XCL1: variants seen among roughly 807,000 people sequenced by gnomAD.
XCL1 encodes the protein lymphotactin.
XCL1 carries 6 observed loss-of-function variants against 7.4 expected under a neutral mutation model. The observed-to-expected ratio is 0.82, with a 90% CI of 0.45 to 1.61. The LOEUF (loss-of-function observed/expected upper bound fraction) is 1.61. Ranked by LOEUF, XCL1 falls within the 40% of genes most tolerant of loss-of-function variation. The probability of loss-of-function intolerance (pLI) is 0.01; values close to 1 mark genes in which losing one functional copy is unlikely to be tolerated. For missense variants in XCL1, 122 were observed against 138.2 expected (o/e 0.88, Z 0.59); for synonymous variants, 48 against 52.4 (o/e 0.92, Z 0.36).
Position 168,581,259 on chromosome 1 carries a change from C to T in XCL1, c.*39C>T. Reference sequence around the variant, plus strand: ...CCTGTCCGTCTCCAGCCAGCCAGCTCATTTCACTTTACACGCTCATGGACT... The same window carrying T: ...CCTGTCCGTCTCCAGCCAGCCAGCTTATTTCACTTTACACGCTCATGGACT... On this transcript the variant is annotated 3_prime_UTR_variant, in exon 3 of 3. Transcript: ENST00000367818. The T allele has an allele frequency of 1.2e-6, 2 of 1,608,072 alleles. No homozygotes were observed. The highest frequency in any genetic ancestry group is 1.7e-6 in the Non-Finnish European group (2 of 1,175,794).
chr1:168,580,361 A>G (rs1655133300), intron 2 of XCL1, among the ~76,000 whole-genome samples, 184 bp downstream of exon 2: 1 of 152,230 alleles, frequency 6.6e-6, no homozygotes, highest in African/African-American at 2.4e-5. Flanking sequence ...AATAGCGATT[A>G]TTGCAGAAAT....
rs554183220 is a variant in XCL1, at chr1:168,581,845, G to T, written c.*625G>T. 51 of 152,026 alleles carry T rather than the reference G, an allele frequency of 3.4e-4. No homozygotes were observed. The highest frequency in any genetic ancestry group is 1.2e-3 in the African/African-American group (48 of 41,466). The allele number at this position is 152,026 out of a possible 1,614,324, so 9.4% of individuals were successfully genotyped here. ...TCCCATTAGCAAAAATTAGAATTTT[G>T]GTATAAAGAAACTTTATTCAAGTAA... On this transcript the variant is annotated 3_prime_UTR_variant, in exon 3 of 3. Coordinates refer to ENST00000367818, the MANE Select transcript of XCL1 (RefSeq NM_002995.3).
chr1:168,578,626 G>A (rs1655081994), intron 1 of XCL1: 1 of 200,864 alleles, frequency 5.0e-6, no homozygotes, highest in Non-Finnish European at 1.0e-5. Flanking sequence ...TTATTTTTAT[G>A]TACAGAAAAC....
intron 1 of XCL1, among the ~76,000 whole-genome samples, chr1:168,578,386 C>T (rs1352585210): frequency 6.6e-6 from 1 of 152,166 alleles, no homozygotes; most frequent in Non-Finnish European, 1.5e-5. Flanking sequence ...AGACCAGTGT[C>T]TACAGCTAAG....
At chr1:168,578,852 C>T in intron 1 of XCL1, 1 of 409,780 alleles carries the variant, frequency 2.4e-6, no homozygotes, top group African/African-American at 2.1e-5. Flanking sequence ...TTCCTGTGGA[C>T]TGGATGTCCC....
intron 1 of XCL1, among the ~76,000 whole-genome samples, chr1:168,578,234 G>T (rs571255365): frequency 2.6e-4 from 39 of 152,250 alleles, no homozygotes; most frequent in African/African-American, 9.4e-4. Context: ...AAATGATGAA[G>T]AAAAGCACAC....
In XCL1 at chr1:168,576,612, T is replaced by C. The variant is rs35070208; in HGVS notation, c.-26T>C. On this transcript the variant is annotated 5_prime_UTR_variant, in exon 1 of 3. Coordinates refer to ENST00000367818, the MANE Select transcript of XCL1 (RefSeq NM_002995.3). ...TCAAAGAGCCCGATCCTCACTCTCC[T>C]TGCACAGCTCAGCAGGACCTCAGCC... 0.026 allele frequency: 41,544 copies of C among 1,585,432 alleles called. 1,310 individuals are homozygous for C. Among genetic ancestry groups the C allele is most frequent in the African/African-American group, 0.17 (12,366 of 71,344 alleles).
Position 168,576,666 on chromosome 1 carries a change from G to A in XCL1, c.29G>A (p.Gly10Asp), listed in dbSNP as rs1338189373. ...AGACTTCTCATCCTGGCCCTCCTTG[G>A]CATCTGCTCTCTCACTGCATACATT... Reference protein sequence around the residue: MRLLILALLGICSLTAYIVE... With the variant: MRLLILALLDICSLTAYIVE... Residue 10 changes from glycine to aspartate, a missense_variant, in exon 1 of 3, where the codon GGC becomes GAC. Coordinates refer to ENST00000367818, the MANE Select transcript of XCL1 (RefSeq NM_002995.3). 3 of 1,613,784 alleles carry A rather than the reference G, an allele frequency of 1.9e-6. No homozygotes were observed. The highest frequency in any genetic ancestry group is 2.2e-5 in the South Asian group (2 of 91,080).
In XCL1 at chr1:168,581,312, A is replaced by G. The variant is rs1485046554; in HGVS notation, c.*92A>G. On this transcript the variant is annotated 3_prime_UTR_variant, in exon 3 of 3. Coordinates refer to ENST00000367818, the MANE Select transcript of XCL1 (RefSeq NM_002995.3). ...GTTTATACTCACCTTTTATGAAAGCACTGCATGAATAAAATTATTCCTTTG... is the reference window on the plus strand; with the variant it reads ...GTTTATACTCACCTTTTATGAAAGCGCTGCATGAATAAAATTATTCCTTTG... The G allele has an allele frequency of 3.4e-6, 5 of 1,474,544 alleles. No homozygotes were observed. The African/African-American group carries it at 5.6e-5, about 17-fold the overall frequency. The allele number at this position is 1,474,544 out of a possible 1,614,324, so 91.3% of individuals were successfully genotyped here. A position where few individuals can be genotyped will look rare whatever the true frequency, so the allele number is the denominator to read the frequency against.
Position 168,581,087 on chromosome 1 carries a change from A to T in XCL1, c.212A>T (p.Asp71Val), listed in dbSNP as rs769052653. 4 of 1,613,782 alleles carry T rather than the reference A, an allele frequency of 2.5e-6. No individual in the cohort carries two copies. In the South Asian group the frequency reaches 4.4e-5, roughly 18 times the overall value. ...AAACGTGGCCTAAAAGTCTGTGCTG[A>T]TCCACAAGCCACATGGGTGAGAGAC... ...ITKRGLKVCA[D>V]PQATWVRDVV... Residue 71 changes from aspartate (D) to valine (V), a missense_variant, in exon 3 of 3, where the codon GAT (aspartate) becomes GTT (valine). Coordinates refer to ENST00000367818, the MANE Select transcript of XCL1 (RefSeq NM_002995.3).
intron 1 of XCL1, among the ~76,000 whole-genome samples, chr1:168,577,542 G>A (rs977942487): frequency 3.3e-5 from 5 of 152,040 alleles, no homozygotes; most frequent in Admixed American, 6.6e-5. Flanking sequence ...TGAATCTGTC[G>A]ACTTATTTGT....
At position 168,581,001 on chromosome 1, in the gene XCL1, T is replaced by C. The variant is rs761965649; in HGVS notation, c.177-51T>C. 1.1e-5 allele frequency: 17 copies of C among 1,599,894 alleles called. No homozygotes were observed. The South Asian group carries it at 1.3e-4, about 13-fold the overall frequency. On this transcript the variant is annotated intron_variant, in intron 2 of 2. Transcript: ENST00000367818. ...CTGCCCTGATCTTAACTCCTGACCCTGAGGCTTTGAGAATGTGGCTAACTT... is the reference window on the plus strand; with the variant it reads ...CTGCCCTGATCTTAACTCCTGACCCCGAGGCTTTGAGAATGTGGCTAACTT...
rs1655120835 is a variant in XCL1 at position 168,580,048 on chromosome 1, T to A, written c.62-15T>A. On this transcript the variant is annotated splice_polypyrimidine_tract_variant and intron_variant, in intron 1 of 2. Coordinates refer to ENST00000367818, the MANE Select transcript of XCL1 (RefSeq NM_002995.3). ...CTTTATTTTTAATTGTCTGTTGTTT[T>A]TTTTTCCTCACCAGGTGTAGGGAGT... The A allele has an allele frequency of 1.0e-5, 16 of 1,604,820 alleles. No homozygotes were observed. Among genetic ancestry groups the A allele is most frequent in the Non-Finnish European group, 1.4e-5 (16 of 1,175,092 alleles).
intron 2 of XCL1, among the ~76,000 whole-genome samples, chr1:168,580,617 G>A (rs147608418): frequency 1.4e-3 from 219 of 152,190 alleles, no homozygotes; most frequent in African/African-American, 4.9e-3. Flanking sequence ...TCTTCTACCA[G>A]AATCTCATTT....
intron 1 of XCL1, chr1:168,579,450 C>G (rs1466099039): frequency 1.1e-5 from 2 of 182,246 alleles, no homozygotes; most frequent in East Asian, 3.4e-4. Flanking sequence ...TCTTAGGCAG[C>G]TGACAGAGAG....
intron 1 of XCL1, chr1:168,578,846 T>A: frequency 2.4e-6 from 1 of 413,136 alleles, no homozygotes; most frequent in South Asian, 1.9e-5. Context: ...TGGTGCTTCC[T>A]GTGGACTGGA....
At chr1:168,577,278 C>A (rs1655046314) in intron 1 of XCL1, among the ~76,000 whole-genome samples, 1 of 152,170 alleles carries the variant, frequency 6.6e-6, no homozygotes, top group African/African-American at 2.4e-5. Flanking sequence ...TTCAAACCTT[C>A]ATGTCCAGAA....
chr1:168,581,219 A>G lies in XCL1; in HGVS notation c.344A>G (p.Ter115TrpextTer1), dbSNP rs1187364494. The G allele has an allele frequency of 2.5e-6, 4 of 1,613,324 alleles. No individual in the cohort carries two copies. The highest frequency in any genetic ancestry group is 3.4e-6 in the Non-Finnish European group (4 of 1,179,564). Residue 115 changes from the stop codon to tryptophan, a stop_lost, in exon 3 of 3, where the codon TAG becomes TGG. Coordinates refer to ENST00000367818, the MANE Select transcript of XCL1 (RefSeq NM_002995.3). ...STNTAVTLTG[*>W] ...AATACAGCTGTGACTCTGACTGGCT[A>G]GTAGTCTCTGGCACCCTGTCCGTCT...
Position 168,581,327 on chromosome 1 carries a change from T to G in XCL1, c.*107T>G. The G allele has an allele frequency of 1.4e-6, 2 of 1,398,558 alleles. No homozygotes were observed. The highest frequency in any genetic ancestry group is 1.9e-6 in the Non-Finnish European group (2 of 1,052,056). The allele number at this position is 1,398,558 out of a possible 1,614,324, so 86.6% of individuals were successfully genotyped here. On this transcript the variant is annotated 3_prime_UTR_variant, in exon 3 of 3. Coordinates refer to ENST00000367818, the MANE Select transcript of XCL1 (RefSeq NM_002995.3). ...TTATGAAAGCACTGCATGAATAAAATTATTCCTTTGTATTTTTACTTTTAA... is the reference window on the plus strand; with the variant it reads ...TTATGAAAGCACTGCATGAATAAAAGTATTCCTTTGTATTTTTACTTTTAA...
Sources: gnomAD v4.1 joint callset for allele counts (sites outside exome capture counted in the v4.1 genomes callset) on GRCh38, gnomAD v4.1.1 for gene constraint, MANE v1.5 for transcripts, NCBI Gene and HGNC (gene_info 2026-07-23, HGNC 2026-07-21) for gene names.